The following HBS1L variants were observed in gnomAD, a reference collection of about 807,000 sequenced individuals.
HBS1L encodes the protein HBS1-like protein.
In HBS1L, 55 loss-of-function variants were observed where a neutral mutation model predicts 88.9. The observed-to-expected ratio is 0.62, with a 90% CI of 0.50 to 0.77. The LOEUF (loss-of-function observed/expected upper bound fraction) is 0.77, where lower values mean the gene tolerates loss of function less well. Among genes scored for constraint, HBS1L ranks in the 30% least tolerant of loss-of-function variants. The pLI is 0.00. For missense variants in HBS1L, 741 were observed against 829.3 expected (o/e 0.89, Z 1.31); for synonymous variants, 267 against 288.5 (o/e 0.93, Z 0.76).
Position 135,054,789 on chromosome 6 carries a change from T to G in HBS1L, c.-98A>C, listed in dbSNP as rs199964947. Reference sequence around the variant, plus strand: ...CCAACTGCAGCCTGGAGAACCCCTATGCGCCATCTTGGCTTCCCGCAGGCC... The same window carrying G: ...CCAACTGCAGCCTGGAGAACCCCTAGGCGCCATCTTGGCTTCCCGCAGGCC... On this transcript the variant is annotated 5_prime_UTR_variant, in exon 1 of 18. Transcript: ENST00000367837. 3 of 1,439,748 alleles carry G rather than the reference T, an allele frequency of 2.1e-6. No homozygotes were observed. Among genetic ancestry groups the G allele is most frequent in the Non-Finnish European group, 2.9e-6 (3 of 1,041,182 alleles). 89.2% of individuals were successfully genotyped at this position (1,439,748 alleles called of 1,614,324 possible).
At chr6:134,967,025 T>C (rs773807709) in intron 16 of HBS1L, among the ~76,000 whole-genome samples, 2 of 152,290 alleles carry the variant, frequency 1.3e-5, no homozygotes, top group East Asian at 3.9e-4. Context: ...ACAGGAATAA[T>C]AGTTCCTTAG....
intron 17 of HBS1L, among the ~76,000 whole-genome samples, chr6:134,965,962 T>G (rs923136785): frequency 3.9e-5 from 6 of 152,180 alleles, no homozygotes; most frequent in African/African-American, 1.2e-4. Context: ...TGAAGTACCC[T>G]TTAAAATACA....
intron 4 of HBS1L, among the ~76,000 whole-genome samples, chr6:135,007,423 A>G (rs1775644385): frequency 6.6e-6 from 1 of 152,206 alleles, no homozygotes; most frequent in South Asian, 2.1e-4. Flanking sequence ...TTTCAAGGAC[A>G]TCAATAAGTC....
chr6:135,053,172 A>C (rs1172381935), intron 1 of HBS1L, among the ~76,000 whole-genome samples: 1 of 152,186 alleles, frequency 6.6e-6, no homozygotes, highest in Non-Finnish European at 1.5e-5. Context: ...TCCATGAAGC[A>C]TTCCTTAACG....
chr6:135,015,882 C>CTT lies in HBS1L; in HGVS notation c.431-13042_431-13041dup, dbSNP rs1174601694. 6.2e-3 allele frequency among the ~76,000 whole-genome samples: 721 copies of CTT among 116,922 alleles called. 10 individuals are homozygous for CTT. Among genetic ancestry groups the CTT allele is most frequent in the African/African-American group, 0.018 (546 of 30,206 alleles). 76.7% of individuals were successfully genotyped at this position (116,922 alleles called of 152,430 possible). On this transcript the variant is annotated intron_variant, in intron 4 of 17. Coordinates refer to ENST00000367837, the MANE Select transcript of HBS1L (RefSeq NM_006620.4). ...ATAGGCATGAGCTAACGAGCCCAGC[C>CTT]TTTTTTTTTTTTTTTTTTTCCAGAC...
chr6:134,997,971 T>C (rs1016075248), intron 5 of HBS1L, among the ~76,000 whole-genome samples: 4 of 152,214 alleles, frequency 2.6e-5, no homozygotes, highest in Non-Finnish European at 5.9e-5. Flanking sequence ...TCAAAATCAA[T>C]GGTATGAAGG....
At chr6:135,008,706 C>T (rs931047008) in intron 4 of HBS1L, among the ~76,000 whole-genome samples, 11 of 151,956 alleles carry the variant, frequency 7.2e-5, no homozygotes, top group Admixed American at 2.0e-4. Flanking sequence ...GATACAGACT[C>T]GCTGAATTTA....
Position 134,967,264 on chromosome 6 carries a change from G to T in HBS1L, c.1899-791C>A, listed in dbSNP as rs188648238. Among the ~76,000 whole-genome samples, 3 of 152,240 alleles carry T rather than the reference G, an allele frequency of 2.0e-5. No individual in the cohort carries two copies. In the East Asian group the frequency reaches 5.8e-4, roughly 29 times the overall value. The stretch of plus-strand genomic sequence containing the variant: ...TTTTATGTACTCTAGAAGTATAGTG[G>T]ACAGAAATCATAAACTCTCCTTTTG... On this transcript the variant is annotated intron_variant, in intron 16 of 17. Transcript: ENST00000367837.
intron 4 of HBS1L, chr6:135,027,302 C>CAGAGAACT (rs1776263288): frequency 2.0e-5 from 3 of 149,496 alleles, no homozygotes. Flanking sequence ...TATGAAACTA[C>CAGAGAACT]AGAGAACTAC....
chr6:134,978,687 C>T lies in HBS1L; in HGVS notation c.1789G>A (p.Gly597Arg). Residue 597 changes from glycine (G) to arginine (R), a missense_variant, in exon 15 of 18, where the codon GGA becomes AGA. Coordinates refer to ENST00000367837, the MANE Select transcript of HBS1L (RefSeq NM_006620.4). ...AACATTTTGGAACTTACAGGAAATC[C>T]TTTAGTGATAGGAATTTCAATATTA... ...IFNIEIPITK[G>R]FPVLLHYQTV... The T allele has an allele frequency of 6.4e-7, 1 of 1,554,850 alleles. No individual in the cohort carries two copies. The highest frequency in any genetic ancestry group is 8.8e-7 in the Non-Finnish European group (1 of 1,133,734).
At chr6:134,991,082 C>T (rs75883709) in intron 8 of HBS1L, among the ~76,000 whole-genome samples, 1 of 144,834 alleles carries the variant, frequency 6.9e-6, no homozygotes, top group Non-Finnish European at 1.5e-5. Context: ...CACACACACA[C>T]ATATACACAT....
rs778876206 is a variant in HBS1L at position 134,996,968 on chromosome 6, T to C, written c.800-26A>G. ...CTAAAGAAAATTGATTCAGGATTAA[T>C]ACCAGGTACATTTCCAGATGTTCAC... On this transcript the variant is annotated intron_variant, in intron 6 of 17. Coordinates refer to ENST00000367837, the MANE Select transcript of HBS1L (RefSeq NM_006620.4). The C allele has an allele frequency of 5.3e-6, 8 of 1,520,430 alleles. No individual in the cohort carries two copies. In the African/African-American group the frequency reaches 7.0e-5, roughly 13 times the overall value. 94.2% of individuals were successfully genotyped at this position (1,520,430 alleles called of 1,614,324 possible).
chr6:135,048,783 A>G (rs1419093760), intron 2 of HBS1L, among the ~76,000 whole-genome samples: 1 of 152,236 alleles, frequency 6.6e-6, no homozygotes, highest in East Asian at 1.9e-4. Flanking sequence ...ATAGACTGAT[A>G]ACAGTGAAAC....
chr6:134,999,743 C>T lies in HBS1L; in HGVS notation c.540-2087G>A, dbSNP rs117000556. ...TATTACAGGGGTGAGCTACTGTACC[C>T]GGCCCCTTTTAAGTAAATCTTAGGT... On this transcript the variant is annotated intron_variant, in intron 5 of 17. Transcript: ENST00000367837. 3.8e-3 allele frequency among the ~76,000 whole-genome samples: 573 copies of T among 152,148 alleles called. 3 individuals carry two copies. Among genetic ancestry groups the T allele is most frequent in the Non-Finnish European group, 6.6e-3 (447 of 68,002 alleles).
chr6:135,046,079 T>C (rs1312927034), intron 2 of HBS1L, among the ~76,000 whole-genome samples: 1 of 152,200 alleles, frequency 6.6e-6, no homozygotes, highest in African/African-American at 2.4e-5. Flanking sequence ...TAGCCCTCTT[T>C]CCTCCTGCCA....
intron 8 of HBS1L, among the ~76,000 whole-genome samples, chr6:134,991,676 C>T (rs1019111136): frequency 6.6e-6 from 1 of 152,142 alleles, no homozygotes; most frequent in African/African-American, 2.4e-5. Context: ...TCTAAAATTA[C>T]ATGTCAACTT....
At chr6:135,025,702 G>C (rs1776207553) in intron 4 of HBS1L, among the ~76,000 whole-genome samples, 1 of 152,034 alleles carries the variant, frequency 6.6e-6, no homozygotes, top group South Asian at 2.1e-4. Flanking sequence ...GATACTCTAA[G>C]AATAAATATG....
intron 4 of HBS1L, among the ~76,000 whole-genome samples, chr6:135,003,766 G>A (rs2114818781): frequency 6.6e-6 from 1 of 152,238 alleles, no homozygotes; most frequent in African/African-American, 2.4e-5. Flanking sequence ...TCAGAAGGCT[G>A]AGGCAGGAGA....
intron 4 of HBS1L, among the ~76,000 whole-genome samples, chr6:135,017,454 G>C (rs185062108): frequency 1.7e-3 from 259 of 152,156 alleles, no homozygotes; most frequent in African/African-American, 6.0e-3. Flanking sequence ...TAAACTTGTG[G>C]CATTAAGTAA....
Sources: allele counts gnomAD v4.1 joint callset (sites outside exome capture counted in the v4.1 genomes callset), GRCh38; gene constraint gnomAD v4.1.1; transcripts MANE v1.5; gene names NCBI Gene and HGNC (gene_info 2026-07-23, HGNC 2026-07-21).